The following SMS variants were observed in gnomAD, a reference collection of about 807,000 sequenced individuals.
SMS encodes the protein spermidine aminopropyltransferase.
SMS carries 3 observed loss-of-function variants against 33.0 expected under a neutral mutation model. The ratio of observed to expected loss-of-function variants is 0.09; its 90% CI spans 0.04 to 0.23. The LOEUF is 0.23. Ranked by LOEUF, SMS falls within the 10% of genes least tolerant of loss-of-function variation. The pLI is 1.00. For synonymous variants in SMS, 103 were observed against 112.2 expected, an observed-to-expected ratio of 0.92 and a Z score of 0.52; for missense variants, 117 against 288.6, an observed-to-expected ratio of 0.41 and a Z score of 4.31.
In SMS at chrX:21,994,421, A is replaced by C; in HGVS notation, c.*70A>C. On this transcript the variant is annotated 3_prime_UTR_variant, in exon 11 of 11. Transcript: ENST00000404933. ...ACCTCCATATGCTGTACATGACATC[A>C]AAATGAGTCAGGCAATTGATTGTGA... 1 of 1,189,549 alleles carries C rather than the reference A, an allele frequency of 8.4e-7. No homozygotes were observed. The highest frequency in any genetic ancestry group is 1.1e-6 in the Non-Finnish European group (1 of 881,066).
At chrX:21,941,764 A>T (rs1921799125) in intron 1 of SMS, among the ~76,000 whole-genome samples, 2 of 107,144 alleles carry the variant, frequency 1.9e-5, no homozygotes, top group South Asian at 8.6e-4. Context: ...ACGCGCCTGT[A>T]ATCCCAGCTA....
Position 21,977,139 on chromosome X carries a change from A to G in SMS, c.408A>G (p.Ile136Met). 1 of 1,206,040 alleles carries G rather than the reference A, an allele frequency of 8.3e-7. No individual in the cohort carries two copies. The highest frequency in any genetic ancestry group is 1.8e-5 in the South Asian group (1 of 56,853). ...TADGRLVEYDIDEVVYDEDSP... is the reference protein window; with the variant it reads ...TADGRLVEYDMDEVVYDEDSP... ...ACGGGCGCCTGGTTGAATATGACAT[A>G]GATGAAGTGGTATATGACGAAGATT... The change falls in exon 5 of 11, where the codon ATA becomes ATG. Residue 136 changes from isoleucine (I) to methionine (M), a missense_variant. Physicochemically the swap from Ile to Met is conservative, Grantham distance 10. Transcript: ENST00000404933.
At chrX:21,980,427 A>AT (rs1556001645) in intron 7 of SMS, among the ~76,000 whole-genome samples, 15 of 77,250 alleles carry the variant, frequency 1.9e-4, no homozygotes, top group East Asian at 5.1e-4. Flanking sequence ...AAAAAAAAAA[A>AT]AAATATATAT....
intron 2 of SMS, among the ~76,000 whole-genome samples, chrX:21,970,416 G>T (rs1319603178): frequency 9.0e-6 from 1 of 111,418 alleles, no homozygotes; most frequent in Non-Finnish European, 1.9e-5. Flanking sequence ...CTTCTCTATT[G>T]TTCCTTCCCC....
chrX:21,994,088 A>C (rs1292486572), intron 10 of SMS, among the ~76,000 whole-genome samples: 2 of 110,323 alleles, frequency 1.8e-5, no homozygotes, highest in African/African-American at 6.6e-5. Context: ...GTGTTCCTTT[A>C]GCCTTCTGTT....
At chrX:21,970,594 G>A (rs1049837218) in intron 2 of SMS, among the ~76,000 whole-genome samples, 2 of 109,045 alleles carry the variant, frequency 1.8e-5, no homozygotes, top group African/African-American at 6.7e-5. Flanking sequence ...ATAGAGACAG[G>A]GTCTCACTCT....
At chrX:21,951,665 C>G (rs1419470465) in intron 1 of SMS, among the ~76,000 whole-genome samples, 5 of 109,616 alleles carry the variant, frequency 4.6e-5, no homozygotes, top group Non-Finnish European at 1.9e-5. Context: ...ATATGGCTAG[C>G]CAGTTTTCCC....
chrX:21,977,112 C>T lies in SMS; in HGVS notation c.381C>T (p.Ala127=), dbSNP rs764152466. ...GGAIDRYWPT[A]DGRLVEYDID... ...CCATCGACAGATACTGGCCCACCGC[C>T]GACGGGCGCCTGGTTGAATATGACA... Residue 127 remains alanine (A), a synonymous_variant, in exon 5 of 11, where the codon GCC becomes GCT. Coordinates refer to ENST00000404933, the MANE Select transcript of SMS (RefSeq NM_004595.5). The T allele has an allele frequency of 1.2e-5, 14 of 1,208,602 alleles. No individual in the cohort carries two copies. Among genetic ancestry groups the T allele is most frequent in the Admixed American group, 2.2e-5 (1 of 46,007 alleles).
chrX:21,947,518 C>T (rs750696819), intron 1 of SMS, among the ~76,000 whole-genome samples: 189 of 112,235 alleles, frequency 1.7e-3, no homozygotes, highest in Non-Finnish European at 2.1e-3. Flanking sequence ...CTACCTCACT[C>T]AGCCCAACCA....
At chrX:21,959,974 AC>A in intron 1 of SMS, 1 of 744,147 alleles carries the variant, frequency 1.3e-6, no homozygotes, top group Non-Finnish European at 1.6e-6. Context: ...GGGCCCTTGG[AC>A]TTAGGTGGCA....
At chrX:21,956,046 G>A (rs1362238307) in intron 1 of SMS, among the ~76,000 whole-genome samples, 1 of 112,031 alleles carries the variant, frequency 8.9e-6, no homozygotes, top group Non-Finnish European at 1.9e-5. Flanking sequence ...GACAAGGCAG[G>A]GCAGTGAAAT....
At chrX:21,952,138 A>G (rs1354038210) in intron 1 of SMS, among the ~76,000 whole-genome samples, 3 of 111,911 alleles carry the variant, frequency 2.7e-5, no homozygotes, top group Non-Finnish European at 5.6e-5. Flanking sequence ...TGTGCTGGCT[A>G]TACTTTGGTT....
At position 21,980,429 on chromosome X, in the gene SMS, AATAT is replaced by A. The variant is rs1187267102; in HGVS notation, c.750+1484_750+1487del. 7.0e-4 allele frequency among the ~76,000 whole-genome samples: 44 copies of A among 63,027 alleles called. 2 individuals carry two copies. Among genetic ancestry groups the A allele is most frequent in the South Asian group, 1.5e-3 (1 of 676 alleles). The allele number at this position is 63,027 out of a possible 115,157, so 54.7% of individuals were successfully genotyped here. ...GAGACTGTCTCCAAAAAAAAAAAAAAATATATATATATATATATATATATTTCCA... is the reference window on the plus strand; with the variant it reads ...GAGACTGTCTCCAAAAAAAAAAAAAAATATATATATATATATATATTTCCA... On this transcript the variant is annotated intron_variant, in intron 7 of 10. Coordinates refer to ENST00000404933, the MANE Select transcript of SMS (RefSeq NM_004595.5).
chrX:21,955,591 C>T (rs765398901), intron 1 of SMS, among the ~76,000 whole-genome samples: 1 of 112,041 alleles, frequency 8.9e-6, no homozygotes, highest in Admixed American at 9.4e-5. Flanking sequence ...CTTCTCCTTT[C>T]TGTTGGGTTG....
intron 9 of SMS, among the ~76,000 whole-genome samples, chrX:21,988,613 C>T (rs910444414): frequency 3.0e-4 from 30 of 101,280 alleles, no homozygotes; most frequent in Non-Finnish European, 5.5e-4. Context: ...TGCAGTGAGC[C>T]GAGATCACGC....
chrX:21,973,876 G>C (rs12839771), intron 4 of SMS, among the ~76,000 whole-genome samples: 198 of 113,409 alleles, frequency 1.7e-3, no homozygotes, highest in South Asian at 3.6e-3. Context: ...AGTGGTGTCA[G>C]ATTTTAAAAG....
chrX:21,950,607 C>G (rs1045654248), intron 1 of SMS, among the ~76,000 whole-genome samples: 1 of 107,976 alleles, frequency 9.3e-6, no homozygotes, highest in Non-Finnish European at 1.9e-5. Context: ...GCCCCCCACC[C>G]CCTGACAGGC....
rs188362149 is a variant in SMS at position 21,946,626 on chromosome X, G to C, written c.49+5753G>C. On this transcript the variant is annotated intron_variant, in intron 1 of 10. Transcript: ENST00000404933. Reference sequence around the variant, plus strand: ...AGTTTAAGGCGGTGATTCTCAATGTGGGTGCTTCCCTCCGTGGGTGACATC... The same window carrying C: ...AGTTTAAGGCGGTGATTCTCAATGTCGGTGCTTCCCTCCGTGGGTGACATC... 2.0e-3 allele frequency among the ~76,000 whole-genome samples: 221 copies of C among 111,418 alleles called. 1 individual carries two copies. Among genetic ancestry groups the C allele is most frequent in the Middle Eastern group, 9.3e-3 (2 of 215 alleles).
chrX:21,967,100 A>T (rs1602200292), intron 1 of SMS, 96 bp from the exon 2 acceptor site: 1 of 423,999 alleles, frequency 2.4e-6, no homozygotes, highest in Non-Finnish European at 3.6e-6. Flanking sequence ...TTACTTATTT[A>T]TTTATTTTTA....
Sources: allele counts gnomAD v4.1 joint callset (sites outside exome capture counted in the v4.1 genomes callset), GRCh38; gene constraint gnomAD v4.1.1; transcripts MANE v1.5; gene names NCBI Gene and HGNC (gene_info 2026-07-23, HGNC 2026-07-21).